The following GABRA2 variants were observed in gnomAD, a reference collection of about 807,000 sequenced individuals.
GABRA2 encodes the protein gamma-aminobutyric acid type A receptor subunit alpha2, also known as gamma-aminobutyric acid receptor subunit alpha-2.
A neutral mutation model predicts 48.7 loss-of-function variants in GABRA2; 16 were observed. The ratio of observed to expected loss-of-function variants is 0.33; its 90% CI spans 0.22 to 0.50. GABRA2 has a LOEUF of 0.50. Ranked by LOEUF, GABRA2 falls within the 20% of genes least tolerant of loss-of-function variation. The pLI is 0.98. For synonymous variants in GABRA2, 185 were observed against 184.5 expected, an observed-to-expected ratio of 1.00 and a Z score of -0.02; for missense variants, 275 against 535.6, an observed-to-expected ratio of 0.51 and a Z score of 4.80.
chr4:46,346,690 T>C (rs895776877), intron 3 of GABRA2, among the ~76,000 whole-genome samples: 6 of 151,104 alleles, frequency 4.0e-5, no homozygotes, highest in African/African-American at 1.2e-4. Flanking sequence ...TTATGTTACA[T>C]TTATTTTTTA....
intron 3 of GABRA2, among the ~76,000 whole-genome samples, chr4:46,351,242 T>C (rs1423368400): frequency 6.6e-6 from 1 of 151,936 alleles, no homozygotes; most frequent in African/African-American, 2.4e-5. Flanking sequence ...AGCATAGGGT[T>C]TGGAGCTCAA....
intron 3 of GABRA2, among the ~76,000 whole-genome samples, chr4:46,349,725 G>T (rs1416539889): frequency 6.6e-6 from 1 of 151,812 alleles, no homozygotes; most frequent in Non-Finnish European, 1.5e-5. Context: ...ATAACACAGA[G>T]CTTATTGATA....
chr4:46,293,088 C>T (rs1021924623), intron 8 of GABRA2, among the ~76,000 whole-genome samples: 2 of 143,554 alleles, frequency 1.4e-5, no homozygotes, highest in Non-Finnish European at 3.1e-5. Flanking sequence ...AGAGCTCTGG[C>T]ATTGGCTAAT....
intron 3 of GABRA2, among the ~76,000 whole-genome samples, chr4:46,362,152 G>A (rs1046486553): frequency 1.3e-5 from 2 of 152,016 alleles, no homozygotes; most frequent in African/African-American, 4.8e-5. Context: ...AGATTTGGGA[G>A]GGGCTGGGGT....
At position 46,250,196 on chromosome 4, in the gene GABRA2, T is replaced by G; in HGVS notation, c.*112A>C. 1.1e-6 allele frequency: 1 copy of G among 878,600 alleles called. No homozygotes were observed. The highest frequency in any genetic ancestry group is 1.8e-6 in the Non-Finnish European group (1 of 559,816). The allele number at this position is 878,600 out of a possible 1,614,324, so 54.4% of individuals were successfully genotyped here. Reference sequence around the variant, plus strand: ...TCTACTGGTAAGCTATGTCACTATATACATACTGTACATGTTGGATCACAA... The same window carrying G: ...TCTACTGGTAAGCTATGTCACTATAGACATACTGTACATGTTGGATCACAA... On this transcript the variant is annotated 3_prime_UTR_variant, in exon 10 of 10. Transcript: ENST00000381620.
chr4:46,371,739 A>G (rs1714924479), intron 3 of GABRA2, among the ~76,000 whole-genome samples: 1 of 152,174 alleles, frequency 6.6e-6, no homozygotes, highest in Admixed American at 6.5e-5. Flanking sequence ...ATAAGAAATA[A>G]ATCTGTTCAT....
chr4:46,263,520 C>A (rs1390411048), intron 8 of GABRA2, among the ~76,000 whole-genome samples: 1 of 152,062 alleles, frequency 6.6e-6, no homozygotes. Context: ...TTGGACACTT[C>A]GTTGAGAATC....
At chr4:46,322,363 G>A (rs1729601584) in intron 4 of GABRA2, among the ~76,000 whole-genome samples, 1 of 151,804 alleles carries the variant, frequency 6.6e-6, no homozygotes, top group Admixed American at 6.6e-5. Flanking sequence ...TGGGGGTGAA[G>A]TAAAAACACT....
rs570844688 is a variant in GABRA2, at chr4:46,388,488, C to T, written c.71+148G>A. On this transcript the variant is annotated intron_variant, in intron 2 of 9. Transcript: ENST00000381620. ...CGAGAAGCAGTGAAGTTTTTACAGT[C>T]TATTACTTCATAGTTCACTTTCCCC... 1.2e-5 allele frequency: 11 copies of T among 890,506 alleles called. No individual in the cohort carries two copies. The South Asian group carries it at 1.9e-4, about 15-fold the overall frequency. 55.2% of individuals were successfully genotyped at this position (890,506 alleles called of 1,614,324 possible).
At chr4:46,252,773 T>C (rs1016935587) in intron 9 of GABRA2, among the ~76,000 whole-genome samples, 2 of 151,516 alleles carry the variant, frequency 1.3e-5, no homozygotes, top group Admixed American at 6.6e-5. Flanking sequence ...AATTGAAACA[T>C]CATTTAAAAT....
chr4:46,256,898 C>T (rs1715946407), intron 9 of GABRA2, among the ~76,000 whole-genome samples: 1 of 151,494 alleles, frequency 6.6e-6, no homozygotes, highest in South Asian at 2.1e-4. Flanking sequence ...ATATTTTGTT[C>T]CTACGTCTAC....
intron 3 of GABRA2, among the ~76,000 whole-genome samples, chr4:46,372,292 A>G (rs1489028536): frequency 6.6e-6 from 1 of 152,178 alleles, no homozygotes; most frequent in South Asian, 2.1e-4. Context: ...TCCTAGCTGC[A>G]GAGAACTATG....
At chr4:46,278,785 T>A (rs1373897460) in intron 8 of GABRA2, among the ~76,000 whole-genome samples, 6 of 151,968 alleles carry the variant, frequency 3.9e-5, no homozygotes, top group Non-Finnish European at 8.8e-5. Flanking sequence ...TAGCTTTAAA[T>A]AACTAGTTGG....
chr4:46,267,730 A>G (rs1718528081), intron 8 of GABRA2, among the ~76,000 whole-genome samples: 1 of 152,074 alleles, frequency 6.6e-6, no homozygotes, highest in African/African-American at 2.4e-5. Context: ...TTAGGGGGTC[A>G]TCTAATGAAT....
chr4:46,385,078 CATATATAT>C (rs36113226), intron 3 of GABRA2, among the ~76,000 whole-genome samples: 4,507 of 143,514 alleles, frequency 0.031, 212 homozygotes, highest in African/African-American at 0.1. Context: ...AATTGCCTAA[CATATATAT>C]ATATATATAT....
intron 8 of GABRA2, among the ~76,000 whole-genome samples, chr4:46,273,046 G>A (rs1420895388): frequency 4.4e-5 from 5 of 112,482 alleles, no homozygotes; most frequent in South Asian, 3.8e-4. Flanking sequence ...TCCTCCCCTA[G>A]CCCCCCACCC....
intron 3 of GABRA2, among the ~76,000 whole-genome samples, chr4:46,384,117 G>A (rs1411957139): frequency 6.6e-6 from 1 of 152,136 alleles, no homozygotes; most frequent in Admixed American, 6.5e-5. Flanking sequence ...GCACAGCTTT[G>A]TGTGTGGATG....
At chr4:46,298,768 T>G (rs1725205323) in intron 8 of GABRA2, among the ~76,000 whole-genome samples, 2 of 151,828 alleles carry the variant, frequency 1.3e-5, no homozygotes, top group South Asian at 4.1e-4. Flanking sequence ...GAAGGGGAGC[T>G]TTTTTAGAAA....
intron 4 of GABRA2, among the ~76,000 whole-genome samples, chr4:46,322,173 C>T (rs1434971866): frequency 6.6e-6 from 1 of 151,894 alleles, no homozygotes; most frequent in Non-Finnish European, 1.5e-5. Context: ...ATATCCCTTA[C>T]CTGTGAAAAA....
Sources: gnomAD v4.1 joint callset for allele counts (sites outside exome capture counted in the v4.1 genomes callset) on GRCh38, gnomAD v4.1.1 for gene constraint, MANE v1.5 for transcripts, NCBI Gene and HGNC (gene_info 2026-07-23, HGNC 2026-07-21) for gene names.